PLXDC2: variants seen among roughly 807,000 people sequenced by gnomAD.
PLXDC2 encodes the protein plexin domain containing 2.
In PLXDC2, 40 loss-of-function variants were observed where a neutral mutation model predicts 68.9. The observed-to-expected ratio is 0.58, with a 90% CI of 0.45 to 0.76. The LOEUF (loss-of-function observed/expected upper bound fraction) is 0.76, where lower values mean the gene tolerates loss of function less well. Among genes scored for constraint, PLXDC2 ranks in the 30% least tolerant of loss-of-function variants. The pLI is 0.00. For missense variants in PLXDC2, 644 were observed against 661.9 expected, an observed-to-expected ratio of 0.97 and a Z score of 0.30; for synonymous variants, 243 against 234.2, an observed-to-expected ratio of 1.04 and a Z score of -0.34.
intron 1 of PLXDC2, among the ~76,000 whole-genome samples, chr10:19,868,645 TAG>T (rs1336906050): frequency 6.6e-6 from 1 of 152,234 alleles, no homozygotes; most frequent in Non-Finnish European, 1.5e-5. Flanking sequence ...AGTCAGTAGG[TAG>T]AGACCACTAC....
intron 13 of PLXDC2, among the ~76,000 whole-genome samples, chr10:20,262,199 G>A (rs1203227292): frequency 6.6e-6 from 1 of 152,168 alleles, no homozygotes; most frequent in Non-Finnish European, 1.5e-5. Flanking sequence ...TGCACCCACA[G>A]GTCATGAGAT....
chr10:20,037,562 G>A (rs913444437), intron 2 of PLXDC2, among the ~76,000 whole-genome samples: 4 of 151,838 alleles, frequency 2.6e-5, no homozygotes, highest in African/African-American at 9.7e-5. Context: ...TTCAAGGTTT[G>A]TACCAGGGAG....
chr10:19,958,332 G>A (rs570874211), intron 1 of PLXDC2, among the ~76,000 whole-genome samples: 6 of 152,136 alleles, frequency 3.9e-5, no homozygotes, highest in East Asian at 1.9e-4. Context: ...GAAAGTGAAC[G>A]TTTAGATTCC....
At chr10:20,046,199 T>C (rs977113957) in intron 2 of PLXDC2, among the ~76,000 whole-genome samples, 2 of 152,084 alleles carry the variant, frequency 1.3e-5, no homozygotes, top group African/African-American at 4.8e-5. Flanking sequence ...AAAGAGACAT[T>C]TTTGTTCAAA....
At chr10:20,008,283 G>T (rs1010853542) in intron 2 of PLXDC2, among the ~76,000 whole-genome samples, 2 of 152,176 alleles carry the variant, frequency 1.3e-5, no homozygotes, top group African/African-American at 4.8e-5. Context: ...GGCCAGGCGT[G>T]GTGGCTTACG....
intron 1 of PLXDC2, among the ~76,000 whole-genome samples, chr10:19,887,346 C>T (rs1837866731): frequency 1.3e-5 from 2 of 152,010 alleles, no homozygotes; most frequent in Non-Finnish European, 2.9e-5. Context: ...TATGGCAAAA[C>T]CCTGTCTCTA....
intron 1 of PLXDC2, among the ~76,000 whole-genome samples, chr10:19,840,488 T>G (rs1473086631): frequency 6.6e-6 from 1 of 152,180 alleles, no homozygotes. Flanking sequence ...CTTTCAATCT[T>G]ACTGTTATTA....
At chr10:20,257,997 C>CTTTCTTTTTTTTTTTT (rs1835763468) in intron 13 of PLXDC2, among the ~76,000 whole-genome samples, 2 of 84,360 alleles carry the variant, frequency 2.4e-5, no homozygotes, top group African/African-American at 4.5e-5. Flanking sequence ...TTTTTTCTTT[C>CTTTCTTTTTTTTTTTT]TTTTTTTTTT....
intron 1 of PLXDC2, among the ~76,000 whole-genome samples, chr10:19,867,817 A>G (rs1462869457): frequency 6.6e-6 from 1 of 152,144 alleles, no homozygotes; most frequent in African/African-American, 2.4e-5. Flanking sequence ...ATCCTTGGAA[A>G]CTGCAGAAAA....
At chr10:20,258,275 A>G (rs571144143) in intron 13 of PLXDC2, among the ~76,000 whole-genome samples, 1 of 152,032 alleles carries the variant, frequency 6.6e-6, no homozygotes, top group Non-Finnish European at 1.5e-5. Flanking sequence ...TGCTGGAATT[A>G]CAGGCGTGAG....
intron 1 of PLXDC2, among the ~76,000 whole-genome samples, chr10:19,887,048 C>G (rs951366114): frequency 1.3e-5 from 2 of 152,194 alleles, no homozygotes; most frequent in Non-Finnish European, 2.9e-5. Flanking sequence ...CTGAAAGGAT[C>G]TCAGGGACAC....
At chr10:19,942,813 G>T (rs1205093895) in intron 1 of PLXDC2, among the ~76,000 whole-genome samples, 5 of 151,974 alleles carry the variant, frequency 3.3e-5, no homozygotes, top group Admixed American at 2.6e-4. Context: ...AAATAATTGG[G>T]TTCTTCAAAA....
At chr10:19,835,862 T>A (rs1201639202) in intron 1 of PLXDC2, among the ~76,000 whole-genome samples, 1 of 152,016 alleles carries the variant, frequency 6.6e-6, no homozygotes, top group Non-Finnish European at 1.5e-5. Flanking sequence ...GTGGATGACG[T>A]GCCAGCCTTT....
intron 4 of PLXDC2, among the ~76,000 whole-genome samples, chr10:20,075,573 G>A (rs1317615227): frequency 6.6e-6 from 1 of 152,084 alleles, no homozygotes; most frequent in Non-Finnish European, 1.5e-5. Context: ...TATTTCATTA[G>A]CACTGGCTCC....
At chr10:19,918,421 A>G (rs1389200999) in intron 1 of PLXDC2, among the ~76,000 whole-genome samples, 1 of 152,178 alleles carries the variant, frequency 6.6e-6, no homozygotes, top group African/African-American at 2.4e-5. Context: ...CATTCTCTAC[A>G]TTAAGGGAAG....
chr10:19,947,450 T>G (rs533276476), intron 1 of PLXDC2, among the ~76,000 whole-genome samples: 1 of 152,340 alleles, frequency 6.6e-6, no homozygotes, highest in African/African-American at 2.4e-5. Flanking sequence ...ACTTGACATT[T>G]TCTAGGACTT....
intron 7 of PLXDC2, among the ~76,000 whole-genome samples, chr10:20,166,516 A>T (rs1244066632): frequency 2.0e-5 from 3 of 152,146 alleles, no homozygotes; most frequent in Non-Finnish European, 4.4e-5. Flanking sequence ...GTGTTTGAGG[A>T]TGGCCGTTCT....
At position 19,962,968 on chromosome 10, in the gene PLXDC2, C is replaced by T. The variant is rs1241127972; in HGVS notation, c.113-38807C>T. ...TCGTGAAACTGTACTCCAGCCTGGG[C>T]GACAGAGCGAGACTACGTCTCAAAA... is the stretch of plus-strand genomic sequence containing the variant. On this transcript the variant is annotated intron_variant, in intron 1 of 13. Coordinates refer to ENST00000377252, the MANE Select transcript of PLXDC2 (RefSeq NM_032812.9). 1.9e-4 allele frequency among the ~76,000 whole-genome samples: 25 copies of T among 129,544 alleles called. 1 individual carries two copies. The highest frequency in any genetic ancestry group is 9.4e-5 in the Non-Finnish European group (6 of 63,914). 85.0% of individuals were successfully genotyped at this position (129,544 alleles called of 152,430 possible). A position where few individuals can be genotyped will look rare whatever the true frequency, so the allele number is the denominator to read the frequency against.
At chr10:20,231,719 A>G (rs1161487716) in intron 12 of PLXDC2, among the ~76,000 whole-genome samples, 3 of 152,138 alleles carry the variant, frequency 2.0e-5, no homozygotes, top group African/African-American at 7.2e-5. Context: ...ATAAACATCA[A>G]AATTCAAAGC....
Sources: gnomAD v4.1 joint callset for allele counts (sites outside exome capture counted in the v4.1 genomes callset) on GRCh38, gnomAD v4.1.1 for gene constraint, MANE v1.5 for transcripts, NCBI Gene and HGNC (gene_info 2026-07-23, HGNC 2026-07-21) for gene names.